Variants in EIF3H observed in about 807,000 individuals in gnomAD.
EIF3H encodes eIF-3-gamma.
Under a neutral mutation model 44.2 loss-of-function variants are expected in EIF3H, and 26 were observed. The observed-to-expected ratio is 0.59, with a 90% CI of 0.43 to 0.82. The LOEUF (loss-of-function observed/expected upper bound fraction) is 0.82, where lower values mean the gene tolerates loss of function less well. EIF3H is among the 40% of genes least tolerant of loss of function. The pLI is 0.00. For synonymous variants in EIF3H, 166 were observed against 151.9 expected (o/e 1.09, Z -0.68); for missense variants, 359 against 432.8 (o/e 0.83, Z 1.51).
At chr8:116,706,298 C>T (rs991814635) in intron 2 of EIF3H, among the ~76,000 whole-genome samples, 3 of 152,160 alleles carry the variant, frequency 2.0e-5, no homozygotes, top group African/African-American at 7.2e-5. Flanking sequence ...GACAGATTAA[C>T]CTTCTGAAAG....
chr8:116,683,154 G>C (rs751127597), intron 2 of EIF3H, among the ~76,000 whole-genome samples: 25 of 152,168 alleles, frequency 1.6e-4, no homozygotes, highest in Non-Finnish European at 2.9e-4. Context: ...TATCTCCTTA[G>C]TATAGATAGA....
intron 2 of EIF3H, among the ~76,000 whole-genome samples, chr8:116,691,926 G>T (rs1413683144): frequency 6.6e-6 from 1 of 150,904 alleles, no homozygotes; most frequent in Non-Finnish European, 1.5e-5. Context: ...TGAATGTTAA[G>T]GTTTTCTGGG....
intron 1 of EIF3H, among the ~76,000 whole-genome samples, chr8:116,743,241 A>G (rs1815160169): frequency 6.6e-6 from 1 of 152,096 alleles, no homozygotes; most frequent in South Asian, 2.1e-4. Flanking sequence ...CCTTAAGGCC[A>G]GGAGTTCAAA....
At chr8:116,743,769 C>CATATATATATATAT (rs150883678) in intron 1 of EIF3H, among the ~76,000 whole-genome samples, 6 of 97,004 alleles carry the variant, frequency 6.2e-5, no homozygotes, top group African/African-American at 1.2e-4. Context: ...AAAATACATA[C>CATATATATATATAT]ATATATATAT....
chr8:116,747,331 G>C (rs952301426), intron 1 of EIF3H, among the ~76,000 whole-genome samples: 1 of 152,196 alleles, frequency 6.6e-6, no homozygotes, highest in African/African-American at 2.4e-5. Flanking sequence ...CTGCCAAAGT[G>C]CTGGGATTAC....
At chr8:116,680,594 A>C (rs1453426990) in intron 2 of EIF3H, among the ~76,000 whole-genome samples, 2 of 111,460 alleles carry the variant, frequency 1.8e-5, no homozygotes, top group Admixed American at 9.6e-5. Flanking sequence ...AGGGCGGTGC[A>C]AGATGTGCTT....
intron 2 of EIF3H, among the ~76,000 whole-genome samples, chr8:116,723,605 T>C (rs1363596957): frequency 6.6e-6 from 1 of 152,228 alleles, no homozygotes; most frequent in African/African-American, 2.4e-5. Flanking sequence ...TTTGTGTTTA[T>C]TATATGCTCA....
At chr8:116,660,610 C>T (rs1258540619) in intron 2 of EIF3H, among the ~76,000 whole-genome samples, 12 of 152,110 alleles carry the variant, frequency 7.9e-5, no homozygotes, top group Non-Finnish European at 1.8e-4. Context: ...AAGAGACTTT[C>T]TTAAGCCTAC....
intron 7 of EIF3H, 122 bp downstream of exon 7, chr8:116,646,349 C>A (rs1156822177): frequency 4.2e-6 from 6 of 1,416,808 alleles, no homozygotes; most frequent in Non-Finnish European, 3.9e-6. Flanking sequence ...TCAAATTCAT[C>A]CTGCAACTAT....
chr8:116,678,015 TTCCACGGTCTCCC>T (rs1813877958), intron 2 of EIF3H, among the ~76,000 whole-genome samples: 1 of 152,166 alleles, frequency 6.6e-6, no homozygotes, highest in Non-Finnish European at 1.5e-5. Flanking sequence ...CACGGTCTCC[TTCCACGGTCTCCC>T]TCTGATGCCG....
rs59899280 is a variant in EIF3H at position 116,674,067 on chromosome 8, C to CAA, written c.290-15089_290-15088dup. The stretch of plus-strand genomic sequence containing the variant: ...CCTGGGGAACACAGCAAGACTGTCT[C>CAA]AAAAAAAAAAAAAAAAAAAAAAAAA... On this transcript the variant is annotated intron_variant, in intron 2 of 7. Coordinates refer to ENST00000521861, the MANE Select transcript of EIF3H (RefSeq NM_003756.3). 2.8e-3 allele frequency among the ~76,000 whole-genome samples: 138 copies of CAA among 49,672 alleles called. 10 individuals are homozygous for CAA. The highest frequency in any genetic ancestry group is 9.8e-3 in the African/African-American group (107 of 10,934). 32.6% of individuals were successfully genotyped at this position (49,672 alleles called of 152,430 possible).
At chr8:116,711,089 A>G (rs1044969302) in intron 2 of EIF3H, among the ~76,000 whole-genome samples, 1 of 152,230 alleles carries the variant, frequency 6.6e-6, no homozygotes, top group African/African-American at 2.4e-5. Context: ...CATTGCTTCC[A>G]TAATTGGATA....
At chr8:116,649,615 T>C (rs1329011584) in intron 5 of EIF3H, among the ~76,000 whole-genome samples, 1 of 152,168 alleles carries the variant, frequency 6.6e-6, no homozygotes, top group Non-Finnish European at 1.5e-5. Flanking sequence ...CTACTATACA[T>C]ATATATATTT....
chr8:116,756,796 T>C (rs146624204), upstream of EIF3H, among the ~76,000 whole-genome samples: 412 of 152,318 alleles, frequency 2.7e-3, 1 homozygote, highest in African/African-American at 9.5e-3. Flanking sequence ...GTATATGAAA[T>C]ATTTATTAAA....
intron 2 of EIF3H, among the ~76,000 whole-genome samples, chr8:116,672,258 GTGGAAA>G (rs1262168462): frequency 6.6e-6 from 1 of 152,140 alleles, no homozygotes; most frequent in Non-Finnish European, 1.5e-5. Context: ...ATAGAGATAA[GTGGAAA>G]AAGATAGTTT....
intron 2 of EIF3H, among the ~76,000 whole-genome samples, chr8:116,723,491 T>C (rs1490053991): frequency 1.3e-5 from 2 of 152,100 alleles, no homozygotes; most frequent in Non-Finnish European, 2.9e-5. Flanking sequence ...AGTGTTCAGG[T>C]GCCTAGAACA....
intron 1 of EIF3H, among the ~76,000 whole-genome samples, chr8:116,744,888 T>C (rs1413752188): frequency 6.6e-6 from 1 of 152,240 alleles, no homozygotes; most frequent in Non-Finnish European, 1.5e-5. Context: ...CTTGCAAAGA[T>C]TCTTTTCAAA....
chr8:116,759,912 G>T (rs538616331), upstream of EIF3H, among the ~76,000 whole-genome samples: 21 of 152,206 alleles, frequency 1.4e-4, 1 homozygote, highest in South Asian at 3.9e-3. Context: ...TGTACTTTTT[G>T]TAGATAACCA....
intron 6 of EIF3H, among the ~76,000 whole-genome samples, chr8:116,647,739 A>G (rs975248184): frequency 2.6e-5 from 4 of 152,186 alleles, no homozygotes; most frequent in Non-Finnish European, 4.4e-5. Context: ...TAGTGAAGGA[A>G]CGTAACTTGC....
Sources: gnomAD v4.1 joint callset for allele counts (sites outside exome capture counted in the v4.1 genomes callset) on GRCh38, gnomAD v4.1.1 for gene constraint, MANE v1.5 for transcripts, NCBI Gene and HGNC (gene_info 2026-07-23, HGNC 2026-07-21) for gene names.